The following PIGN variants were observed in gnomAD, a reference collection of about 807,000 sequenced individuals.
PIGN encodes GPI ethanolamine phosphate transferase 1.
Under a neutral mutation model 125.4 loss-of-function variants are expected in PIGN, and 117 were observed. That is an observed-to-expected ratio of 0.93 (90% CI 0.80 to 1.09). The LOEUF is 1.09. Among genes scored for constraint, PIGN ranks in the 50% least tolerant of loss-of-function variants. The pLI, the probability that PIGN is intolerant of heterozygous loss-of-function variation, is 0.00. For missense variants in PIGN, 1,075 were observed against 1,094.9 expected (o/e 0.98, Z 0.26); for synonymous variants, 392 against 377.8 (o/e 1.04, Z -0.44).
At chr18:62,124,838 T>G (rs2035443746) in intron 14 of PIGN, among the ~76,000 whole-genome samples, 3 of 152,186 alleles carry the variant, frequency 2.0e-5, no homozygotes. Context: ...TTATGTCTCA[T>G]TATGTGCCTT....
At chr18:62,168,820 T>C (rs1209864894) in intron 1 of PIGN, among the ~76,000 whole-genome samples, 1 of 151,406 alleles carries the variant, frequency 6.6e-6, no homozygotes. Flanking sequence ...GTCTTTGTAA[T>C]CCAACATTAC....
intron 22 of PIGN, 109 bp downstream of exon 22, chr18:62,100,966 C>T: frequency 1.5e-6 from 1 of 680,112 alleles, no homozygotes; most frequent in Non-Finnish European, 2.6e-6. Flanking sequence ...TATTATTTTC[C>T]TGCAATAAAA....
chr18:62,090,694 A>G (rs868601335), intron 23 of PIGN, 116 bp from the exon 24 acceptor site: 1 of 579,480 alleles, frequency 1.7e-6, no homozygotes, highest in Middle Eastern at 3.7e-4. Flanking sequence ...CTTCTAAGTC[A>G]CAATATTACA....
chr18:62,130,689 A>G (rs1472022930), intron 14 of PIGN, among the ~76,000 whole-genome samples: 1 of 152,170 alleles, frequency 6.6e-6, no homozygotes, highest in African/African-American at 2.4e-5. Flanking sequence ...ATTCAGGGTC[A>G]GCTAGTGTTT....
rs145047148 is a variant in PIGN at position 62,086,155 on chromosome 18, A to G, written c.2371-891T>C. On this transcript the variant is annotated intron_variant, in intron 25 of 30. Transcript: ENST00000640252. ...GTCTCAAAATACTCAAATGGTGACTAAGATATGATGACAGAAATAGAGGAG... is the reference window on the plus strand; with the variant it reads ...GTCTCAAAATACTCAAATGGTGACTGAGATATGATGACAGAAATAGAGGAG... 4.7e-4 allele frequency among the ~76,000 whole-genome samples: 72 copies of G among 152,364 alleles called. No homozygotes were observed. The East Asian group carries it at 7.3e-3, about 15-fold the overall frequency.
intron 22 of PIGN, 85 bp downstream of exon 22, chr18:62,100,990 T>A: frequency 1.4e-6 from 1 of 736,090 alleles, no homozygotes; most frequent in Non-Finnish European, 2.4e-6. Context: ...TTTCTTTCAA[T>A]AACAATGATA....
At chr18:62,174,130 C>T (rs2037436544) in intron 1 of PIGN, among the ~76,000 whole-genome samples, 1 of 151,598 alleles carries the variant, frequency 6.6e-6, no homozygotes, top group Non-Finnish European at 1.5e-5. Flanking sequence ...AGGAAAATCA[C>T]TTGAATCTGG....
At chr18:62,103,557 A>G (rs1161735020) in intron 20 of PIGN, 1 of 152,216 alleles carries the variant, frequency 6.6e-6, no homozygotes, top group African/African-American at 2.4e-5. Context: ...GATACCAAGG[A>G]AATGGTGCCC....
intron 8 of PIGN, among the ~76,000 whole-genome samples, 188 bp from the exon 9 acceptor site, chr18:62,147,289 C>A (rs1331156209): frequency 6.6e-6 from 1 of 151,976 alleles, no homozygotes; most frequent in East Asian, 1.9e-4. Flanking sequence ...GCTAAATAAC[C>A]TGAAATAGTT....
chr18:62,049,410 T>C (rs1402613086), intron 30 of PIGN, among the ~76,000 whole-genome samples: 1 of 150,390 alleles, frequency 6.6e-6, no homozygotes, highest in East Asian at 2.0e-4. Flanking sequence ...TGGTGTGAGA[T>C]GGTATCTCAT....
chr18:62,031,210 T>C (rs1366003926), intron 23 of PIGN, among the ~76,000 whole-genome samples: 1 of 152,200 alleles, frequency 6.6e-6, no homozygotes, highest in African/African-American at 2.4e-5. Context: ...GCACAAGCTC[T>C]CTTGCCTGCT....
intron 17 of PIGN, among the ~76,000 whole-genome samples, 185 bp downstream of exon 17, chr18:62,109,649 G>C (rs977858236): frequency 6.6e-6 from 1 of 152,120 alleles, no homozygotes; most frequent in African/African-American, 2.4e-5. Context: ...AAGTACAACA[G>C]AAAGAATGTT....
chr18:62,162,150 G>C (rs111969374), intron 3 of PIGN, 103 bp downstream of exon 3: 1 of 152,080 alleles, frequency 6.6e-6, no homozygotes, highest in African/African-American at 2.4e-5. Flanking sequence ...AAAGAATATC[G>C]AGTTCTCTGT....
At chr18:62,037,062 A>C (rs1299403980), downstream of PIGN, among the ~76,000 whole-genome samples, 1 of 152,202 alleles carries the variant, frequency 6.6e-6, no homozygotes, top group Non-Finnish European at 1.5e-5. Context: ...ACTTTAACTC[A>C]TGCCACTGAC....
intron 30 of PIGN, 128 bp downstream of exon 30, chr18:62,072,545 G>A (rs2032939749): frequency 1.4e-6 from 1 of 701,180 alleles, no homozygotes; most frequent in Non-Finnish European, 2.5e-6. Context: ...TAGGTGTGTT[G>A]TAGGCTACAC....
intron 14 of PIGN, among the ~76,000 whole-genome samples, chr18:62,127,587 T>A (rs1340518920): frequency 2.0e-5 from 3 of 152,158 alleles, no homozygotes; most frequent in African/African-American, 7.2e-5. Flanking sequence ...TTGCATACAC[T>A]AAGTACATAA....
intron 7 of PIGN, chr18:62,154,274 T>G (rs1257865637): frequency 8.7e-6 from 4 of 457,504 alleles, no homozygotes; most frequent in Non-Finnish European, 1.5e-5. Context: ...AGATCAAAAT[T>G]TACCCAGGAT....
At chr18:62,113,069 T>C (rs2034941636) in intron 16 of PIGN, 65 bp downstream of exon 16, 2 of 1,224,728 alleles carry the variant, frequency 1.6e-6, no homozygotes, top group Admixed American at 2.1e-5. Context: ...TATAAACTCA[T>C]TACACTGGAT....
At chr18:62,036,216 C>CT (rs905415461), downstream of PIGN, among the ~76,000 whole-genome samples, 70 of 151,280 alleles carry the variant, frequency 4.6e-4, no homozygotes, top group African/African-American at 1.4e-3. Flanking sequence ...AGTTTTTTTT[C>CT]TTTTTTTTTC....
Sources: allele counts gnomAD v4.1 joint callset (sites outside exome capture counted in the v4.1 genomes callset), GRCh38; gene constraint gnomAD v4.1.1; transcripts MANE v1.5; gene names NCBI Gene and HGNC (gene_info 2026-07-23, HGNC 2026-07-21).